Variants in NECAB2 observed in about 807,000 individuals in gnomAD.
NECAB2 encodes N-terminal EF-hand calcium binding protein 2.
NECAB2 carries 68 observed loss-of-function variants against 51.9 expected under a neutral mutation model. The ratio of observed to expected loss-of-function variants is 1.31; its 90% CI spans 1.08 to 1.60. The LOEUF (loss-of-function observed/expected upper bound fraction) is 1.60, where lower values mean the gene tolerates loss of function less well. NECAB2 is among the 40% of genes most tolerant of loss of function. The pLI is 0.00. For synonymous variants in NECAB2, 329 were observed against 203.5 expected (o/e 1.62, Z -5.25); for missense variants, 854 against 490.3 (o/e 1.74, Z -7.00).
At chr16:83,998,164 C>G (rs1051840737) in intron 9 of NECAB2, 41 bp from the exon 10 acceptor site, 1 of 1,584,480 alleles carries the variant, frequency 6.3e-7, no homozygotes, top group African/African-American at 1.3e-5. Context: ...GGGAGAAGGC[C>G]TGACGTGGAG....
Position 83,994,310 on chromosome 16 carries a change from A to C in NECAB2, c.605A>C (p.His202Pro), listed in dbSNP as rs748730692. The C allele has an allele frequency of 1.2e-6, 2 of 1,614,204 alleles. No individual in the cohort carries two copies. Among genetic ancestry groups the C allele is most frequent in the Non-Finnish European group, 8.5e-7 (1 of 1,180,028 alleles). Residue 202 changes from histidine to proline, a missense_variant, in exon 7 of 13, where the codon CAC (histidine) becomes CCC (proline). By Grantham distance (77) the His-to-Pro change is moderately conservative (BLOSUM62 -2). Transcript: ENST00000305202. ...TCCCATCCAAACTGCAGACAGAACC[A>C]CATCAAACCCAGCCACAGCGCGGCA... ...EEQTSQLRQN[H>P]IKPSHSAAQT...
At chr16:83,980,921 G>C in intron 4 of NECAB2, 57 bp downstream of exon 4, 1 of 1,612,464 alleles carries the variant, frequency 6.2e-7, no homozygotes, top group Non-Finnish European at 8.5e-7. Flanking sequence ...GGCTGGATGA[G>C]AAGGGCCTGA....
intron 6 of NECAB2, among the ~76,000 whole-genome samples, chr16:83,994,100 C>T (rs986006115): frequency 3.3e-5 from 5 of 152,194 alleles, no homozygotes; most frequent in African/African-American, 1.2e-4. Flanking sequence ...CCCAGCTCTG[C>T]CCAGCTAGCT....
chr16:84,001,719 T>TTATTGA, intron 11 of NECAB2, 106 bp from the exon 12 acceptor site: 2 of 1,233,638 alleles, frequency 1.6e-6, no homozygotes, highest in Non-Finnish European at 1.2e-6. Flanking sequence ...CCCCCCGTGC[T>TTATTGA]TATTGATAAG....
At chr16:84,000,538 A>G (rs2084809094) in intron 10 of NECAB2, among the ~76,000 whole-genome samples, 186 bp from the exon 11 acceptor site, 1 of 152,192 alleles carries the variant, frequency 6.6e-6, no homozygotes, top group African/African-American at 2.4e-5. Flanking sequence ...TGGCCACTAT[A>G]AGAAGCCAGG....
rs2084668165 is a variant in NECAB2 at position 83,994,410 on chromosome 16, C to T, written c.705C>T (p.Thr235=). Residue 235 remains threonine (T), a synonymous_variant, in exon 7 of 13, where the codon ACC becomes ACT. Transcript: ENST00000305202. ...TCATGGCTATGGAACAAGGCAAGACCCTTCCATCTGGTGAGAGAAAGCGGG... is the reference window on the plus strand; with the variant it reads ...TCATGGCTATGGAACAAGGCAAGACTCTTCCATCTGGTGAGAGAAAGCGGG... ...HKLMAMEQGK[T]LPSATEDAKE... The T allele has an allele frequency of 1.2e-6, 2 of 1,614,110 alleles. No homozygotes were observed. The highest frequency in any genetic ancestry group is 4.5e-5 in the East Asian group (2 of 44,878).
rs115409644 is a variant in NECAB2 at position 83,971,967 on chromosome 16, C to T, written c.202-184C>T. ...TGGGTGAGGGGAGGGCCTCTGTCTG[C>T]AACATCCCTCATCAGTTCCCCCTGG... On this transcript the variant is annotated intron_variant, in intron 1 of 12. Coordinates refer to ENST00000305202, the MANE Select transcript of NECAB2 (RefSeq NM_019065.3). 2.0e-3 allele frequency: 1,533 copies of T among 752,424 alleles called. 28 individuals carry two copies. In the African/African-American group the frequency reaches 0.025, roughly 12 times the overall value. The allele number at this position is 752,424 out of a possible 1,614,324, so 46.6% of individuals were successfully genotyped here.
At chr16:84,000,654 C>G in intron 10 of NECAB2, 70 bp from the exon 11 acceptor site, 3 of 1,388,576 alleles carry the variant, frequency 2.2e-6, no homozygotes, top group Non-Finnish European at 3.1e-6. Context: ...TCAGGCCACC[C>G]CAGGGGAACA....
intron 11 of NECAB2, 107 bp from the exon 12 acceptor site, chr16:84,001,718 C>G: frequency 8.2e-7 from 1 of 1,216,452 alleles, no homozygotes; most frequent in Non-Finnish European, 1.2e-6. Flanking sequence ...ACCCCCCGTG[C>G]TTATTGATAA....
At position 84,000,591 on chromosome 16, in the gene NECAB2, A is replaced by T. The variant is rs570444090; in HGVS notation, c.963-133A>T. ...GGGTCACCCTGTCGAGTCTCGATGG[A>T]GGTCAAGACAGGAAGAAACATTGAA... On this transcript the variant is annotated intron_variant, in intron 10 of 12. Coordinates refer to ENST00000305202, the MANE Select transcript of NECAB2 (RefSeq NM_019065.3). 1.5e-4 allele frequency: 98 copies of T among 646,162 alleles called. No individual in the cohort carries two copies. In the African/African-American group the frequency reaches 1.7e-3, roughly 11 times the overall value. The allele number at this position is 646,162 out of a possible 1,614,324, so 40.0% of individuals were successfully genotyped here. A position where few individuals can be genotyped will look rare whatever the true frequency, so the allele number is the denominator to read the frequency against.
intron 5 of NECAB2, among the ~76,000 whole-genome samples, chr16:83,982,392 C>A (rs766905201): frequency 1.3e-5 from 2 of 152,174 alleles, no homozygotes; most frequent in Non-Finnish European, 2.9e-5. Flanking sequence ...AAGTATTAAT[C>A]TTTGTAGAAT....
At chr16:83,998,461 T>G (rs1437481563) in intron 10 of NECAB2, 144 bp downstream of exon 10, 1 of 757,458 alleles carries the variant, frequency 1.3e-6, no homozygotes, top group East Asian at 2.7e-5. Flanking sequence ...AGAAGTGGGT[T>G]CAGGTCTCTA....
intron 6 of NECAB2, among the ~76,000 whole-genome samples, chr16:83,992,377 T>G (rs865798884): frequency 7.5e-6 from 1 of 133,044 alleles, no homozygotes; most frequent in Admixed American, 7.6e-5. Context: ...CGAGCACCCG[T>G]CCCCCCGCCC....
At chr16:83,967,561 A>G (rs1323139302), upstream of NECAB2, among the ~76,000 whole-genome samples, 2 of 121,466 alleles carry the variant, frequency 1.6e-5, no homozygotes, top group African/African-American at 6.3e-5. Context: ...GGATGGATGG[A>G]AGGATGGTGG....
rs528072607 is a variant in NECAB2, at chr16:83,972,899, T to A, written c.226+724T>A. Among the ~76,000 whole-genome samples, 65 of 152,246 alleles carry A rather than the reference T, an allele frequency of 4.3e-4. 1 individual carries two copies. In the South Asian group the frequency reaches 0.013, roughly 30 times the overall value. On this transcript the variant is annotated intron_variant, in intron 2 of 12. Transcript: ENST00000305202. ...GAGCCTCGGCTGACAAAAAGCACCTTCTTAAAAATACCAGAATCATTATTA... is the reference window on the plus strand; with the variant it reads ...GAGCCTCGGCTGACAAAAAGCACCTACTTAAAAATACCAGAATCATTATTA...
At position 83,980,817 on chromosome 16, in the gene NECAB2, C is replaced by T. The variant is rs201499317; in HGVS notation, c.336-22C>T. On this transcript the variant is annotated intron_variant, in intron 3 of 12. Transcript: ENST00000305202. ...ACCCCCTCTCTGTCTCTGTCTGTCT[C>T]TGCCTCTGTCTGTCTCTGCAGCCAT... The T allele has an allele frequency of 1.5e-4, 228 of 1,566,648 alleles. 1 individual carries two copies. In the African/African-American group the frequency reaches 2.7e-3, roughly 19 times the overall value.
At chr16:83,970,150 A>T (rs1426095572) in intron 1 of NECAB2, among the ~76,000 whole-genome samples, 2 of 151,988 alleles carry the variant, frequency 1.3e-5, no homozygotes, top group Non-Finnish European at 2.9e-5. Context: ...CTGCCCAGTC[A>T]GGGTGGGGGC....
intron 1 of NECAB2, among the ~76,000 whole-genome samples, chr16:83,970,713 C>G (rs1282908717): frequency 6.6e-6 from 1 of 152,160 alleles, no homozygotes; most frequent in African/African-American, 2.4e-5. Flanking sequence ...CTGCCTCTCC[C>G]TGGGTCTCAG....
chr16:84,002,261 G>C (rs771242284), intron 12 of NECAB2, 57 bp from the exon 13 acceptor site: 16 of 1,592,238 alleles, frequency 1.0e-5, no homozygotes, highest in African/African-American at 1.3e-5. Flanking sequence ...ACCACCACCA[G>C]CTACGAGGCT....
Sources: gnomAD v4.1 joint callset for allele counts (sites outside exome capture counted in the v4.1 genomes callset) on GRCh38, gnomAD v4.1.1 for gene constraint, MANE v1.5 for transcripts, NCBI Gene and HGNC (gene_info 2026-07-23, HGNC 2026-07-21) for gene names.